The following PCDH11X variants were observed in gnomAD, a reference collection of about 807,000 sequenced individuals.
PCDH11X encodes the protein protocadherin 11 X-linked.
In PCDH11X, 18 loss-of-function variants were observed where a neutral mutation model predicts 53.3. That is an observed-to-expected ratio of 0.34 (90% confidence interval 0.23 to 0.50). PCDH11X has a LOEUF of 0.50. Ranked by LOEUF, PCDH11X falls within the 20% of genes least tolerant of loss-of-function variation. The pLI is 0.98. For missense variants in PCDH11X, 570 were observed against 1,032.4 expected (o/e 0.55, Z 6.14); for synonymous variants, 279 against 393.3 (o/e 0.71, Z 3.44).
intron 10 of PCDH11X, among the ~76,000 whole-genome samples, chrX:92,568,246 C>T (rs1308106933): frequency 9.1e-6 from 1 of 109,717 alleles, no homozygotes; most frequent in East Asian, 2.9e-4. Context: ...ACGGTGAAAC[C>T]TGTCTCAACT....
In PCDH11X at chrX:92,343,981, CT is replaced by C. The variant is rs1389979756; in HGVS notation, c.3145-43753del. On this transcript the variant is annotated intron_variant, in intron 8 of 10. Transcript: ENST00000682573. The stretch of plus-strand genomic sequence containing the variant: ...ACAAACGTTTTTTTTTTTCTTGCCC[CT>C]GTCTCCTAAGTTCTTTGGGTCCTCA... 2.7e-5 allele frequency among the ~76,000 whole-genome samples: 3 copies of C among 109,940 alleles called. No homozygotes were observed. In the Admixed American group the frequency reaches 2.9e-4, roughly 11 times the overall value.
At chrX:92,551,989 G>GT (rs56334896) in intron 10 of PCDH11X, among the ~76,000 whole-genome samples, 26,206 of 76,043 alleles carry the variant, frequency 0.34, 4,171 homozygotes, top group Non-Finnish European at 0.42. Flanking sequence ...GATTCCTCTG[G>GT]TTTTTTTTTT....
intron 8 of PCDH11X, among the ~76,000 whole-genome samples, chrX:92,354,521 A>G (rs2070142475): frequency 9.0e-6 from 1 of 110,968 alleles, no homozygotes; most frequent in Non-Finnish European, 1.9e-5. Flanking sequence ...TTGATTGATG[A>G]GAAAACTGAT....
chrX:92,239,756 A>G (rs1320555053), intron 7 of PCDH11X, among the ~76,000 whole-genome samples: 1 of 111,471 alleles, frequency 9.0e-6, no homozygotes, highest in Non-Finnish European at 1.9e-5. Context: ...ATTATCCTCC[A>G]TTACACATTT....
chrX:92,597,074 C>T (rs1417474211), intron 10 of PCDH11X, among the ~76,000 whole-genome samples: 2 of 111,320 alleles, frequency 1.8e-5, no homozygotes, highest in African/African-American at 3.3e-5. Context: ...TAGTATATCA[C>T]GCTGAATAGT....
intron 10 of PCDH11X, among the ~76,000 whole-genome samples, chrX:92,611,847 T>TA (rs1927423264): frequency 9.6e-6 from 1 of 104,574 alleles, no homozygotes; most frequent in Admixed American, 1.1e-4. Flanking sequence ...ACTTTTTTTT[T>TA]AAATTTACTT....
intron 6 of PCDH11X, among the ~76,000 whole-genome samples, chrX:92,024,666 T>A (rs2062938706): frequency 2.7e-5 from 2 of 73,718 alleles, no homozygotes; most frequent in South Asian, 6.0e-4. Context: ...AAAACTACTT[T>A]AAATTTCATA....
chrX:92,092,906 G>A (rs35145228), intron 6 of PCDH11X, among the ~76,000 whole-genome samples: 4 of 111,109 alleles, frequency 3.6e-5, no homozygotes, highest in Non-Finnish European at 7.5e-5. Flanking sequence ...TGATGGGGGC[G>A]GTTTCTCATG....
intron 9 of PCDH11X, among the ~76,000 whole-genome samples, chrX:92,392,941 A>T (rs1211808523): frequency 1.8e-5 from 2 of 109,663 alleles, no homozygotes; most frequent in Non-Finnish European, 3.8e-5. Flanking sequence ...GAAGAGTAAC[A>T]CTTCTGATGT....
intron 7 of PCDH11X, among the ~76,000 whole-genome samples, chrX:92,219,507 T>C (rs1215966806): frequency 9.1e-6 from 1 of 109,897 alleles, no homozygotes; most frequent in East Asian, 2.9e-4. Flanking sequence ...GAAGGCCCTC[T>C]TCAAGGAGAA....
rs201349279 is a variant in PCDH11X, at chrX:92,147,819, C to CT, written c.3034-53553dup. ...CTTTCTTTTCTTCCTTCCTTTCTTTCTTTCTTTCTTTCTTTCTTTCTTTCT... is the reference window on the plus strand; with the variant it reads ...CTTTCTTTTCTTCCTTCCTTTCTTTCTTTTCTTTCTTTCTTTCTTTCTTTCT... On this transcript the variant is annotated intron_variant, in intron 6 of 10. Coordinates refer to ENST00000682573, the MANE Select transcript of PCDH11X (RefSeq NM_032968.5). 1.8e-3 allele frequency among the ~76,000 whole-genome samples: 147 copies of CT among 81,673 alleles called. 1 individual carries two copies. The highest frequency in any genetic ancestry group is 0.01 in the African/African-American group (143 of 14,131). The allele number at this position is 81,673 out of a possible 115,157, so 70.9% of individuals were successfully genotyped here. A position where few individuals can be genotyped will look rare whatever the true frequency, so the allele number is the denominator to read the frequency against.
chrX:92,063,771 G>A (rs1289448579), intron 6 of PCDH11X, among the ~76,000 whole-genome samples: 2 of 111,268 alleles, frequency 1.8e-5, no homozygotes, highest in African/African-American at 6.5e-5. Context: ...TGTGATATAA[G>A]GTTGATTCAG....
At chrX:92,390,740 CAT>C in intron 9 of PCDH11X, among the ~76,000 whole-genome samples, 1 of 97,492 alleles carries the variant, frequency 1.0e-5, no homozygotes, top group Middle Eastern at 4.5e-3. Context: ...CAAAATAGCA[CAT>C]AGTTCTGCAA....
rs756926383 is a variant in PCDH11X, at chrX:91,907,412, C to CACACACACACACAG, written c.3033+28140_3033+28141insCACACACACACAGA. On this transcript the variant is annotated intron_variant, in intron 6 of 10. Coordinates refer to ENST00000682573, the MANE Select transcript of PCDH11X (RefSeq NM_032968.5). The stretch of plus-strand genomic sequence containing the variant: ...ACACACACACACACACACACACACA[C>CACACACACACACAG]AGAGAGAGAGAGAGAGAGAGAGAGA... Among the ~76,000 whole-genome samples, 59 of 57,468 alleles carry CACACACACACACAG rather than the reference C, an allele frequency of 1.0e-3. 2 individuals are homozygous for CACACACACACACAG. Among genetic ancestry groups the CACACACACACACAG allele is most frequent in the Non-Finnish European group, 1.7e-3 (55 of 32,514 alleles). 49.9% of individuals were successfully genotyped at this position (57,468 alleles called of 115,157 possible). A position where few individuals can be genotyped will look rare whatever the true frequency, so the allele number is the denominator to read the frequency against.
chrX:91,869,845 C>T (rs902697215), intron 5 of PCDH11X, among the ~76,000 whole-genome samples: 1 of 111,382 alleles, frequency 9.0e-6, no homozygotes, highest in Non-Finnish European at 1.9e-5. Flanking sequence ...GAATCTGAAG[C>T]GAGACAGAGA....
intron 7 of PCDH11X, among the ~76,000 whole-genome samples, chrX:92,211,082 AT>A (rs909181801): frequency 5.4e-5 from 6 of 111,200 alleles, no homozygotes; most frequent in African/African-American, 2.0e-4. Flanking sequence ...TCTGGTACCA[AT>A]TTTCTGTATG....
chrX:92,319,402 G>A (rs1185828725), intron 8 of PCDH11X, among the ~76,000 whole-genome samples: 3 of 112,530 alleles, frequency 2.7e-5, no homozygotes, highest in Non-Finnish European at 5.6e-5. Context: ...TAGACATTCA[G>A]TAAGAGAACA....
chrX:92,160,716 T>C (rs1174648020), intron 6 of PCDH11X, among the ~76,000 whole-genome samples: 4 of 107,671 alleles, frequency 3.7e-5, no homozygotes, highest in Non-Finnish European at 3.8e-5. Context: ...GATCAAATGG[T>C]AGTTCTACTT....
intron 4 of PCDH11X, among the ~76,000 whole-genome samples, chrX:91,824,908 C>T (rs1393593041): frequency 2.2e-4 from 24 of 107,167 alleles, no homozygotes; most frequent in Non-Finnish European, 4.5e-4. Flanking sequence ...GGACCCTCAG[C>T]TGCAGGTCTG....
Sources: allele counts gnomAD v4.1 joint callset (sites outside exome capture counted in the v4.1 genomes callset), GRCh38; gene constraint gnomAD v4.1.1; transcripts MANE v1.5; gene names NCBI Gene and HGNC (gene_info 2026-07-23, HGNC 2026-07-21).